The following MELTF variants were observed in gnomAD, a reference collection of about 807,000 sequenced individuals.
The protein encoded by MELTF is antigen p97 (melanoma associated) identified by monoclonal antibodies 133.2 and 96.5.
In MELTF, 67 loss-of-function variants were observed where a neutral mutation model predicts 83.7. That is an observed-to-expected ratio of 0.80 (90% confidence interval 0.66 to 0.98). MELTF has a LOEUF of 0.98. Ranked by LOEUF, MELTF falls within the 50% of genes least tolerant of loss-of-function variation. The probability of loss-of-function intolerance (pLI) is 0.00; values close to 1 mark genes in which losing one functional copy is unlikely to be tolerated. For missense variants in MELTF, 1,002 were observed against 1,035.6 expected (o/e 0.97, Z 0.44); for synonymous variants, 462 against 447.6 (o/e 1.03, Z -0.41).
Position 197,010,780 on chromosome 3 carries a change from G to A in MELTF, c.1248C>T (p.Asp416=), listed in dbSNP as rs141115556. Reference sequence around the variant, plus strand: ...TGTCCTCGCCACTCAGGGTCACAGCGTCGACCTGCTCAGCCTGAAGGGAAT... The same window carrying A: ...TGTCCTCGCCACTCAGGGTCACAGCATCGACCTGCTCAGCCTGAAGGGAAT... ...CMERIQAEQV[D]AVTLSGEDIY... Residue 416 remains aspartate, a synonymous_variant, in exon 10 of 16, where the codon GAC becomes GAT. Transcript: ENST00000296350. The A allele has an allele frequency of 1.4e-4, 227 of 1,613,440 alleles. No individual in the cohort carries two copies. Among genetic ancestry groups the A allele is most frequent in the Non-Finnish European group, 1.7e-4 (205 of 1,180,024 alleles).
Position 197,003,422 on chromosome 3 carries a change from G to C in MELTF, c.2167C>G (p.Pro723Ala). ...AAPAPGAPLL[P>A]LLLPALAARL... ...GCGGCGAGGGCGGGCAGCAGCAGCG[G>C]GAGCAGGGGCGCCCCGGGCGCCGGG... Residue 723 changes from proline to alanine, a missense_variant, in exon 16 of 16, where the codon CCG becomes GCG. By Grantham distance (27) the Pro-to-Ala change is conservative. Coordinates refer to ENST00000296350, the MANE Select transcript of MELTF (RefSeq NM_005929.6). This position sits in a 1 kb window ranked among gnomAD's most constrained non-coding sequence, Gnocchi z 6.2. The C allele has an allele frequency of 9.0e-7, 1 of 1,114,120 alleles. No individual in the cohort carries two copies. Among genetic ancestry groups the C allele is most frequent in the Non-Finnish European group, 1.1e-6 (1 of 913,644 alleles). 69.0% of individuals were successfully genotyped at this position (1,114,120 alleles called of 1,614,324 possible). A position where few individuals can be genotyped will look rare whatever the true frequency, so the allele number is the denominator to read the frequency against.
chr3:197,025,832 G>C (rs976868487), intron 3 of MELTF: 4 of 152,358 alleles, frequency 2.6e-5, no homozygotes, highest in African/African-American at 9.7e-5. Flanking sequence ...CACAGGGGAA[G>C]ACTGGACCCT....
chr3:197,006,743 G>T lies in MELTF; in HGVS notation c.1751-7C>A, dbSNP rs774527775. On this transcript the variant is annotated splice_polypyrimidine_tract_variant and splice_region_variant and intron_variant, in intron 13 of 15. Coordinates refer to ENST00000296350, the MANE Select transcript of MELTF (RefSeq NM_005929.6). This position sits in a 1 kb window ranked among gnomAD's most constrained non-coding sequence, Gnocchi z 5.4. ...CAGGGCTCGGAATTGTGGCCTGAGG[G>T]GGGTAAAGCAGTGTGTGTGGGGACG... 4 of 1,520,010 alleles carry T rather than the reference G, an allele frequency of 2.6e-6. No individual in the cohort carries two copies. The highest frequency in any genetic ancestry group is 2.6e-6 in the Non-Finnish European group (3 of 1,136,504). 94.2% of individuals were successfully genotyped at this position (1,520,010 alleles called of 1,614,324 possible).
In MELTF at chr3:197,024,502, G is replaced by A. The variant is rs58495747; in HGVS notation, c.305-17C>T. The A allele has an allele frequency of 6.4e-7, 1 of 1,560,050 alleles. No homozygotes were observed. Among genetic ancestry groups the A allele is most frequent in the African/African-American group, 1.4e-5 (1 of 73,936 alleles). ...TACCGACCTCTAGGAGGGGAGGGGA[G>A]TGGGTGAGGGCAGCAGGGAGAGGCC... On this transcript the variant is annotated splice_polypyrimidine_tract_variant and intron_variant, in intron 3 of 15. Coordinates refer to ENST00000296350, the MANE Select transcript of MELTF (RefSeq NM_005929.6). This position sits in a 1 kb window ranked among gnomAD's most constrained non-coding sequence, Gnocchi z 5.3.
chr3:197,015,558 G>A (rs746815155), intron 8 of MELTF, 42 bp from the exon 9 acceptor site: 3 of 1,577,120 alleles, frequency 1.9e-6, no homozygotes, highest in South Asian at 1.1e-5. Flanking sequence ...GGCCAGTACT[G>A]CCATGGAAGA....
Position 197,022,537 on chromosome 3 carries a change from C to A in MELTF, c.644+420G>T, listed in dbSNP as rs17129227. Among the ~76,000 whole-genome samples, 22,157 of 151,968 alleles carry A rather than the reference C, an allele frequency of 0.15. 1,879 individuals carry two copies. Among genetic ancestry groups the A allele is most frequent in the South Asian group, 0.29 (1,397 of 4,814 alleles). ...CAGGCAGATGGAATTGGACCACGAG[C>A]TGTTAGAGTCTCCTGCATCCACGGA... On this transcript the variant is annotated intron_variant, in intron 5 of 15. Transcript: ENST00000296350. This position sits in a 1 kb window ranked among gnomAD's most constrained non-coding sequence, Gnocchi z 5.1.
Position 197,029,762 on chromosome 3 carries a change from C to T in MELTF, c.-60G>A, listed in dbSNP as rs1720018100. ...CTGGGTCCGGGTCCGAGGAGGTCCGCAGCAGCCGGGCTTCCTCCCTGCTCC... is the reference window on the plus strand; with the variant it reads ...CTGGGTCCGGGTCCGAGGAGGTCCGTAGCAGCCGGGCTTCCTCCCTGCTCC... On this transcript the variant is annotated 5_prime_UTR_variant, in exon 1 of 16. Coordinates refer to ENST00000296350, the MANE Select transcript of MELTF (RefSeq NM_005929.6). This position sits in a 1 kb window ranked among gnomAD's most constrained non-coding sequence, Gnocchi z 6.5. The T allele has an allele frequency of 1.8e-6, 2 of 1,137,484 alleles. No homozygotes were observed. Among genetic ancestry groups the T allele is most frequent in the African/African-American group, 1.6e-5 (1 of 62,352 alleles). The allele number at this position is 1,137,484 out of a possible 1,614,324, so 70.5% of individuals were successfully genotyped here.
intron 2 of MELTF, 126 bp downstream of exon 2, chr3:197,027,630 C>T (rs1454232460): frequency 1.2e-5 from 15 of 1,254,446 alleles, no homozygotes; most frequent in South Asian, 6.3e-5. Flanking sequence ...CAGGGAGACT[C>T]GGGAGATCCT....
chr3:197,014,104 C>A (rs1188499899), intron 9 of MELTF, among the ~76,000 whole-genome samples: 1 of 152,188 alleles, frequency 6.6e-6, no homozygotes, highest in Non-Finnish European at 1.5e-5. Context: ...GTGGAATCAA[C>A]CCAGGTGTCC....
chr3:197,023,498 A>G (rs1719713153), intron 4 of MELTF, among the ~76,000 whole-genome samples: 2 of 152,086 alleles, frequency 1.3e-5, no homozygotes, highest in South Asian at 4.1e-4. Context: ...TGGGTAGACA[A>G]CCCTTCTCAC....
chr3:197,026,867 T>G, intron 2 of MELTF, 108 bp from the exon 3 acceptor site: 1 of 832,314 alleles, frequency 1.2e-6, no homozygotes, highest in Non-Finnish European at 2.0e-6. Flanking sequence ...CCCAGAGGGC[T>G]GTGCTGTCCT....
In MELTF at chr3:197,024,350, A is replaced by C; in HGVS notation, c.440T>G (p.Leu147Arg). The C allele has an allele frequency of 6.3e-7, 1 of 1,598,990 alleles. No homozygotes were observed. The highest frequency in any genetic ancestry group is 8.5e-7 in the Non-Finnish European group (1 of 1,170,168). The change falls in exon 4 of 16, where the codon CTG becomes CGG. Residue 147 changes from leucine to arginine, a missense_variant. Coordinates refer to ENST00000296350, the MANE Select transcript of MELTF (RefSeq NM_005929.6). The surrounding 1 kb of genome is among the most constrained non-coding windows in gnomAD (Gnocchi z 5.3). ...CACCGAGAGGCGGCCGCTCTCCACC[A>C]GGTAGCCCACGGGCACGTTCCAGCC... Reference protein sequence around the residue: ...TVGWNVPVGYLVESGRLSVMG... With the variant: ...TVGWNVPVGYRVESGRLSVMG...
chr3:197,021,614 G>A (rs894794194), intron 5 of MELTF, 143 bp from the exon 6 acceptor site: 1 of 707,352 alleles, frequency 1.4e-6, no homozygotes, highest in Non-Finnish European at 2.4e-6. Flanking sequence ...CCAGCTCCCT[G>A]GCTGGTCGGC....
In MELTF at chr3:197,008,957, C is replaced by T. The variant is rs1046408278; in HGVS notation, c.1534G>A (p.Glu512Lys). The T allele has an allele frequency of 1.9e-5, 31 of 1,613,780 alleles. No homozygotes were observed. In the Middle Eastern group the frequency reaches 4.9e-4, roughly 26 times the overall value. Residue 512 changes from glutamate (E) to lysine (K), a missense_variant, in exon 12 of 16, where the codon GAG becomes AAG. Glu to Lys is a moderately conservative substitution (Grantham distance 56, BLOSUM62 1). Coordinates refer to ENST00000296350, the MANE Select transcript of MELTF (RefSeq NM_005929.6). This position sits in a 1 kb window ranked among gnomAD's most constrained non-coding sequence, Gnocchi z 5.4. ...KDCDVLTAVS[E>K]FFNASCVPVN... ...GGCACGCAGCTGGCATTGAAGAACT[C>T]GCTCACTGCTGGGGTGGAGGGAAGG...
intron 2 of MELTF, 171 bp from the exon 3 acceptor site, chr3:197,026,930 G>C: frequency 1.7e-6 from 1 of 574,152 alleles, no homozygotes; most frequent in South Asian, 2.3e-5. Context: ...CCCTTTCCCA[G>C]GCCAGGGATT....
At chr3:197,016,516 G>A (rs531264291) in intron 7 of MELTF, 147 bp from the exon 8 acceptor site, 29 of 658,702 alleles carry the variant, frequency 4.4e-5, no homozygotes, top group South Asian at 3.8e-4. Context: ...CTTCTGCGGC[G>A]CCTCCCCTGA....
chr3:197,021,539 G>A (rs1719624241), intron 5 of MELTF, 68 bp from the exon 6 acceptor site: 5 of 1,485,554 alleles, frequency 3.4e-6, no homozygotes, highest in South Asian at 1.1e-5. Flanking sequence ...CACCTCTGGA[G>A]GCCTGGCTTG....
chr3:197,023,949 C>T (rs1161262054), intron 4 of MELTF: 4 of 515,354 alleles, frequency 7.8e-6, no homozygotes, highest in Middle Eastern at 2.9e-4. Flanking sequence ...AAGCCGAGGA[C>T]ACATTTCTAG....
intron 4 of MELTF, among the ~76,000 whole-genome samples, chr3:197,023,447 T>C (rs1719711134): frequency 6.6e-6 from 1 of 152,216 alleles, no homozygotes; most frequent in Non-Finnish European, 1.5e-5. Context: ...CAACTGTGAC[T>C]GATGACAGAG....
Sources: allele counts gnomAD v4.1 joint callset (sites outside exome capture counted in the v4.1 genomes callset), GRCh38; gene constraint gnomAD v4.1.1; non-coding constraint Gnocchi (gnomAD v3.1); transcripts MANE v1.5; gene names NCBI Gene and HGNC (gene_info 2026-07-23, HGNC 2026-07-21).